RYR1: variants seen among roughly 807,000 people sequenced by gnomAD.
The protein encoded by RYR1 is ryanodine receptor 1.
In RYR1, 342 loss-of-function variants were observed where a neutral mutation model predicts 583.5. The observed-to-expected ratio is 0.59, with a 90% CI of 0.54 to 0.64. The LOEUF (loss-of-function observed/expected upper bound fraction) is 0.64, where lower values mean the gene tolerates loss of function less well. Ranked by LOEUF, RYR1 falls within the 30% of genes least tolerant of loss-of-function variation. The pLI, the probability that RYR1 is intolerant of heterozygous loss-of-function variation, is 0.00. For synonymous variants in RYR1, 2,791 were observed against 2,822.5 expected, an observed-to-expected ratio of 0.99 and a Z score of 0.35; for missense variants, 6,032 against 6,917.2, an observed-to-expected ratio of 0.87 and a Z score of 4.54.
At position 38,526,979 on chromosome 19, in the gene RYR1, C is replaced by G; in HGVS notation, c.10627-14C>G. 6.2e-7 allele frequency: 1 copy of G among 1,613,772 alleles called. No homozygotes were observed. Among genetic ancestry groups the G allele is most frequent in the South Asian group, 1.1e-5 (1 of 91,080 alleles). ...GGACCTCCAGAGTGACCCAGCCTGG[C>G]TCTGTCTCCCCAGAAAGACACAGAT... On this transcript the variant is annotated splice_polypyrimidine_tract_variant and intron_variant, in intron 71 of 105. Transcript: ENST00000359596.
rs1310839286 is a variant in RYR1 at position 38,517,500 on chromosome 19, T to C, written c.9827T>C (p.Met3276Thr). Residue 3276 changes from methionine (M) to threonine (T), a missense_variant, in exon 66 of 106, where the codon ATG (methionine) becomes ACG (threonine). Around this residue, in one of 11 missense-constraint regions of RYR1, gnomAD observed 1,493 missense variants for 1,715.5 expected, o/e 0.87. Transcript: ENST00000359596. Reference sequence around the variant, plus strand: ...CATGTCATCGAGATCACGCTGCCCATGCTATGCAGCTACCTGCCCCGATGG... The same window carrying C: ...CATGTCATCGAGATCACGCTGCCCACGCTATGCAGCTACCTGCCCCGATGG... ...MPHVIEITLPMLCSYLPRWWE... is the reference protein window; with the variant it reads ...MPHVIEITLPTLCSYLPRWWE... 2.5e-6 allele frequency: 4 copies of C among 1,614,056 alleles called. No individual in the cohort carries two copies. The highest frequency in any genetic ancestry group is 2.5e-6 in the Non-Finnish European group (3 of 1,179,976).
chr19:38,492,822 A>G (rs1969618431), intron 38 of RYR1, among the ~76,000 whole-genome samples, 186 bp downstream of exon 38: 1 of 152,028 alleles, frequency 6.6e-6, no homozygotes, highest in Non-Finnish European at 1.5e-5. Flanking sequence ...TAATCCCAGC[A>G]CTTTGGGAGG....
chr19:38,535,478 G>A, intron 81 of RYR1, 86 bp downstream of exon 81: 2 of 999,882 alleles, frequency 2.0e-6, no homozygotes, highest in Non-Finnish European at 3.2e-6. Flanking sequence ...TTCTGATTCT[G>A]CTCTTTCAGT....
At chr19:38,438,655 G>A (rs1166065024) in intron 1 of RYR1, among the ~76,000 whole-genome samples, 3 of 109,394 alleles carry the variant, frequency 2.7e-5, no homozygotes, top group Admixed American at 1.4e-4. Context: ...GTCTCGCTCT[G>A]TCACCCAGGC....
intron 70 of RYR1, among the ~76,000 whole-genome samples, chr19:38,524,854 G>T (rs1971398877): frequency 6.6e-6 from 1 of 152,094 alleles, no homozygotes; most frequent in South Asian, 2.1e-4. Context: ...CTGTGGAGGG[G>T]GTATTGTACT....
intron 48 of RYR1, 50 bp downstream of exon 48, chr19:38,502,777 GGGC>G: frequency 8.3e-7 from 1 of 1,204,162 alleles, no homozygotes; most frequent in Non-Finnish European, 1.1e-6. Flanking sequence ...GCAGGGGCAG[GGGC>G]AGGGGCAGGG....
rs752849270 is a variant in RYR1, at chr19:38,467,684, G to A, written c.3253G>A (p.Gly1085Ser). 36 of 1,614,092 alleles carry A rather than the reference G, an allele frequency of 2.2e-5. No individual in the cohort carries two copies. Among genetic ancestry groups the A allele is most frequent in the Non-Finnish European group, 2.6e-5 (31 of 1,180,046 alleles). The change falls in exon 25 of 106, where the codon GGC becomes AGC. Residue 1085 changes from glycine (G) to serine (S), a missense_variant. Transcript: ENST00000359596. ...RAEKSYTVQS[G>S]RWYFEFEAVT... ...AGAGAAATCCTATACAGTGCAGAGC[G>A]GCCGCTGGTACTTCGAGTTTGAAGC...
At chr19:38,536,631 C>A in intron 82 of RYR1, 119 bp from the exon 83 acceptor site, 1 of 1,184,314 alleles carries the variant, frequency 8.4e-7, no homozygotes, top group African/African-American at 1.5e-5. Context: ...GTTCCTCTCT[C>A]TCTGTGTGTC....
chr19:38,569,905 T>C (rs1367948198), intron 93 of RYR1, among the ~76,000 whole-genome samples: 2 of 152,224 alleles, frequency 1.3e-5, no homozygotes, highest in Non-Finnish European at 2.9e-5. Context: ...GGCTCACACC[T>C]ATAATCCTAG....
chr19:38,571,625 G>A (rs944096452), intron 94 of RYR1, among the ~76,000 whole-genome samples: 2 of 152,106 alleles, frequency 1.3e-5, no homozygotes, highest in Admixed American at 6.6e-5. Flanking sequence ...TGACAAGAGT[G>A]AAACTCCGTC....
chr19:38,519,495 C>G (rs1971127872), intron 67 of RYR1, 41 bp downstream of exon 67: 1 of 1,560,604 alleles, frequency 6.4e-7, no homozygotes, highest in Non-Finnish European at 8.7e-7. Context: ...CCGCCCCGAC[C>G]TCCCACGTCC....
Position 38,505,936 on chromosome 19 carries a change from A to G in RYR1, c.8531A>G (p.Gln2844Arg), listed in dbSNP as rs1970425851. 1 of 1,613,256 alleles carries G rather than the reference A, an allele frequency of 6.2e-7. No individual in the cohort carries two copies. The highest frequency in any genetic ancestry group is 8.5e-7 in the Non-Finnish European group (1 of 1,179,944). Residue 2844 changes from glutamine (Q) to arginine (R), a missense_variant, in exon 54 of 106, where the codon CAA becomes CGA. Gln to Arg is a conservative substitution (Grantham distance 43). Transcript: ENST00000359596. ...AAGAAAAAAACGCGGAAGATATCAC[A>G]AAGTGCCCAGGTGAAGGCGGGGCCT... is the stretch of plus-strand genomic sequence containing the variant. Reference protein sequence around the residue: ...TEKKKTRKISQSAQTYDPREG... With the variant: ...TEKKKTRKISRSAQTYDPREG...
At chr19:38,531,888 G>C (rs2145734278) in intron 76 of RYR1, among the ~76,000 whole-genome samples, 1 of 152,210 alleles carries the variant, frequency 6.6e-6, no homozygotes, top group African/African-American at 2.4e-5. Flanking sequence ...TTGGCCAACA[G>C]AGCAAGACCC....
Position 38,517,345 on chromosome 19 carries a change from T to G in RYR1, c.9686-14T>G. ...GATGGCTTGACATTCCCTGCCCCCG[T>G]CCCTGTACCCCAGTCCTGGGGCTCC... On this transcript the variant is annotated splice_polypyrimidine_tract_variant and intron_variant, in intron 65 of 105. Transcript: ENST00000359596. 1 of 1,611,720 alleles carries G rather than the reference T, an allele frequency of 6.2e-7. No individual in the cohort carries two copies.
At chr19:38,447,142 T>G (rs1471380223) in intron 9 of RYR1, among the ~76,000 whole-genome samples, 1 of 152,192 alleles carries the variant, frequency 6.6e-6, no homozygotes, top group African/African-American at 2.4e-5. Context: ...GGAGGATCAC[T>G]CGAGCCCAGC....
Position 38,496,614 on chromosome 19 carries a change from T to A in RYR1, c.6796+73T>A. The A allele has an allele frequency of 6.4e-7, 1 of 1,570,856 alleles. No homozygotes were observed. Among genetic ancestry groups the A allele is most frequent in the Non-Finnish European group, 8.7e-7 (1 of 1,143,556 alleles). Reference sequence around the variant, plus strand: ...CACCCCGTCCAGGCCTGCCCCACTTTCCACCAGCTCACTCATTCAACAAAC... The same window carrying A: ...CACCCCGTCCAGGCCTGCCCCACTTACCACCAGCTCACTCATTCAACAAAC... On this transcript the variant is annotated intron_variant, in intron 41 of 105. Coordinates refer to ENST00000359596, the MANE Select transcript of RYR1 (RefSeq NM_000540.3). The surrounding 1 kb of genome is among the most constrained non-coding windows in gnomAD (Gnocchi z 4.8).
At chr19:38,442,633 G>A (rs550386218) in intron 3 of RYR1, among the ~76,000 whole-genome samples, 180 bp downstream of exon 3, 25 of 152,198 alleles carry the variant, frequency 1.6e-4, no homozygotes, top group Non-Finnish European at 2.6e-4. Flanking sequence ...GGTAGGTCCG[G>A]CCTTGGATGT....
intron 79 of RYR1, 77 bp downstream of exon 79, chr19:38,534,896 G>T (rs1175690907): frequency 2.0e-6 from 3 of 1,491,328 alleles, no homozygotes; most frequent in Non-Finnish European, 2.7e-6. Flanking sequence ...CCCATTCCCT[G>T]TGGACCCATT....
At chr19:38,475,523 G>A in intron 29 of RYR1, 73 bp downstream of exon 29, 1 of 1,590,948 alleles carries the variant, frequency 6.3e-7, no homozygotes. Flanking sequence ...CAAGTTTAGT[G>A]TGACAGTCCC....
Sources: gnomAD v4.1 joint callset for allele counts (sites outside exome capture counted in the v4.1 genomes callset) on GRCh38, gnomAD v4.1.1 for gene constraint, gnomAD v4.1.1 regional missense constraint, Gnocchi (gnomAD v3.1) non-coding constraint, MANE v1.5 for transcripts, NCBI Gene and HGNC (gene_info 2026-07-23, HGNC 2026-07-21) for gene names.